The following CCDC33 variants were observed in gnomAD, a reference collection of about 807,000 sequenced individuals.
CCDC33 encodes coiled-coil domain containing 33.
CCDC33 carries 94 observed loss-of-function variants against 91.9 expected under a neutral mutation model. The observed-to-expected ratio is 1.02, with a 90% CI of 0.87 to 1.21. The LOEUF is 1.21. Ranked by LOEUF, CCDC33 falls within the 50% of genes most tolerant of loss-of-function variation. The probability of loss-of-function intolerance (pLI) is 0.00; values close to 1 mark genes in which losing one functional copy is unlikely to be tolerated. For synonymous variants in CCDC33, 396 were observed against 374.5 expected (o/e 1.06, Z -0.66); for missense variants, 940 against 935.5 (o/e 1.00, Z -0.06).
chr15:74,277,640 T>G (rs1186138243), intron 7 of CCDC33, among the ~76,000 whole-genome samples: 1 of 152,220 alleles, frequency 6.6e-6, no homozygotes, highest in African/African-American at 2.4e-5. Flanking sequence ...GGCGTCAGAC[T>G]GCAGGTCTTC....
At chr15:74,304,477 A>G (rs1338329797) in intron 11 of CCDC33, 1 of 152,164 alleles carries the variant, frequency 6.6e-6, no homozygotes, top group Non-Finnish European at 1.5e-5. Context: ...ACCTGAGACT[A>G]AAGAGATTAA....
chr15:74,311,768 AAAG>A (rs2059998129), intron 11 of CCDC33: 1 of 152,206 alleles, frequency 6.6e-6, no homozygotes, highest in Non-Finnish European at 1.5e-5. Context: ...GGTCACTAAT[AAAG>A]AAGCAGCAGT....
At chr15:74,255,582 C>T (rs567264028) in intron 2 of CCDC33, among the ~76,000 whole-genome samples, 15 of 152,342 alleles carry the variant, frequency 9.8e-5, no homozygotes, top group East Asian at 5.8e-4. Flanking sequence ...TGCCCTGTGG[C>T]GTTGGAGGAG....
At chr15:74,223,435 A>G (rs961452012) in intron 2 of CCDC33, among the ~76,000 whole-genome samples, 19 of 152,104 alleles carry the variant, frequency 1.2e-4, no homozygotes, top group African/African-American at 2.9e-4. Flanking sequence ...CACCAAACAC[A>G]GAGGACTGGA....
At chr15:74,289,398 A>T (rs2142551765) in intron 10 of CCDC33, among the ~76,000 whole-genome samples, 1 of 152,310 alleles carries the variant, frequency 6.6e-6, no homozygotes, top group Non-Finnish European at 1.5e-5. Flanking sequence ...GTCATTCAGA[A>T]GACCTGCTTT....
chr15:74,280,795 C>T lies in CCDC33; in HGVS notation c.1017C>T (p.Pro339=). 6.6e-7 allele frequency: 1 copy of T among 1,525,892 alleles called. No individual in the cohort carries two copies. Among genetic ancestry groups the T allele is most frequent in the Non-Finnish European group, 8.8e-7 (1 of 1,136,002 alleles). The allele number at this position is 1,525,892 out of a possible 1,614,324, so 94.5% of individuals were successfully genotyped here. A position where few individuals can be genotyped will look rare whatever the true frequency, so the allele number is the denominator to read the frequency against. The change falls in exon 9 of 19, where the codon CCC becomes CCT. Residue 339 remains proline, a synonymous_variant. Transcript: ENST00000398814. ...ACGGGCTTCACGTGGAGCGGCTCCC[C>T]ATCATGGTGAGCCCCCTGCCCTGAA... ...GLDGLHVERL[P]IMDTSLKTIN...
chr15:74,221,246 C>CCA, intron 2 of CCDC33: 1 of 201,814 alleles, frequency 5.0e-6, no homozygotes, highest in Non-Finnish European at 6.4e-6. Flanking sequence ...TTTTTTTTCA[C>CCA]CAGAACTGAT....
At chr15:74,267,481 C>CA (rs1272872705) in intron 4 of CCDC33, among the ~76,000 whole-genome samples, 5 of 151,044 alleles carry the variant, frequency 3.3e-5, no homozygotes, top group African/African-American at 1.2e-4. Flanking sequence ...CAGACCCCTG[C>CA]CTGTCCTCCC....
intron 11 of CCDC33, among the ~76,000 whole-genome samples, chr15:74,308,022 G>A (rs142728617): frequency 2.0e-5 from 3 of 152,216 alleles, no homozygotes; most frequent in Admixed American, 1.3e-4. Context: ...CCTGGAAGCA[G>A]GGGAGTGCCA....
intron 1 of CCDC33, among the ~76,000 whole-genome samples, chr15:74,242,157 G>C (rs191806679): frequency 6.6e-6 from 1 of 152,242 alleles, no homozygotes; most frequent in African/African-American, 2.4e-5. Context: ...AGGAGCCAAG[G>C]CTCAAGGTAG....
At chr15:74,245,735 T>G (rs1566966119) in intron 2 of CCDC33, among the ~76,000 whole-genome samples, 1 of 101,646 alleles carries the variant, frequency 9.8e-6, no homozygotes, top group Non-Finnish European at 2.1e-5. Context: ...TCCCTGTGGC[T>G]GCGGCACGTG....
intron 13 of CCDC33, 29 bp from the exon 14 acceptor site, chr15:74,330,952 C>T: frequency 1.3e-6 from 2 of 1,562,092 alleles, no homozygotes; most frequent in African/African-American, 1.4e-5. Context: ...CACCCATTCT[C>T]TCCCCTTCTC....
At chr15:74,239,829 CG>C (rs11354227) in intron 1 of CCDC33, among the ~76,000 whole-genome samples, 152,200 of 152,212 alleles carry the variant, frequency 1, 76,094 homozygotes, top group Middle Eastern at 1. Context: ...CTGAGAGTTA[CG>C]GGGGGGGTAC....
At chr15:74,210,945 TA>T (rs1210727643) in intron 2 of CCDC33, among the ~76,000 whole-genome samples, 3 of 152,160 alleles carry the variant, frequency 2.0e-5, no homozygotes, top group African/African-American at 7.2e-5. Flanking sequence ...AGTCATGAGT[TA>T]AGTAGAATAG....
intron 2 of CCDC33, among the ~76,000 whole-genome samples, chr15:74,249,916 T>A (rs918687509): frequency 6.6e-6 from 1 of 152,052 alleles, no homozygotes; most frequent in Non-Finnish European, 1.5e-5. Context: ...GTTACCCCAC[T>A]CTCCCACCTT....
At chr15:74,309,718 C>G (rs1033234513) in intron 11 of CCDC33, among the ~76,000 whole-genome samples, 45 of 152,236 alleles carry the variant, frequency 3.0e-4, no homozygotes, top group African/African-American at 9.9e-4. Flanking sequence ...CATCTTACAC[C>G]ACTATTGGCC....
At chr15:74,330,904 G>A in intron 13 of CCDC33, 77 bp from the exon 14 acceptor site, 2 of 1,529,800 alleles carry the variant, frequency 1.3e-6, no homozygotes, top group East Asian at 2.3e-5. Context: ...CAGCAGAGGG[G>A]CCGAGGTGGA....
upstream of CCDC33, chr15:74,212,394 T>C (rs963156254): frequency 1.3e-5 from 2 of 152,272 alleles, no homozygotes; most frequent in African/African-American, 4.8e-5. Context: ...GGATCACTGA[T>C]GCTGCCCTAG....
chr15:74,301,744 G>A (rs2142665817), intron 11 of CCDC33: 1 of 152,280 alleles, frequency 6.6e-6, no homozygotes, highest in South Asian at 2.1e-4. Context: ...ATTTACTATG[G>A]AAGAATTGTG....
Sources: allele counts gnomAD v4.1 joint callset (sites outside exome capture counted in the v4.1 genomes callset), GRCh38; gene constraint gnomAD v4.1.1; transcripts MANE v1.5; gene names NCBI Gene and HGNC (gene_info 2026-07-23, HGNC 2026-07-21).